The following ABCB11 variants were observed in gnomAD, a reference collection of about 807,000 sequenced individuals.
The protein encoded by ABCB11 is bile salt export pump.
Under a neutral mutation model 148.0 loss-of-function variants are expected in ABCB11, and 95 were observed. That is an observed-to-expected ratio of 0.64 (90% CI 0.54 to 0.76). The LOEUF is 0.76. Among genes scored for constraint, ABCB11 ranks in the 30% least tolerant of loss-of-function variants. The pLI, the probability that ABCB11 is intolerant of heterozygous loss-of-function variation, is 0.00. For synonymous variants in ABCB11, 591 were observed against 555.4 expected, an observed-to-expected ratio of 1.06 and a Z score of -0.90; for missense variants, 1,523 against 1,617.8, an observed-to-expected ratio of 0.94 and a Z score of 1.01.
At chr2:168,929,868 A>G (rs1011277542) in intron 25 of ABCB11, among the ~76,000 whole-genome samples, 5 of 152,204 alleles carry the variant, frequency 3.3e-5, no homozygotes, top group African/African-American at 9.7e-5. Flanking sequence ...AGAATAAATC[A>G]CAGAGAGTCT....
chr2:168,923,903 A>G (rs986051603), intron 27 of ABCB11, 81 bp from the exon 28 acceptor site: 2 of 1,335,134 alleles, frequency 1.5e-6, no homozygotes, highest in Non-Finnish European at 2.1e-6. Flanking sequence ...AGTTAACACG[A>G]CCTGAATAAC....
At chr2:168,930,338 T>C (rs999994075) in intron 25 of ABCB11, among the ~76,000 whole-genome samples, 1 of 152,222 alleles carries the variant, frequency 6.6e-6, no homozygotes, top group Non-Finnish European at 1.5e-5. Context: ...GGTCATTAGT[T>C]TCCTGATTAG....
chr2:168,985,782 G>A (rs956902706), intron 10 of ABCB11, among the ~76,000 whole-genome samples: 4 of 151,956 alleles, frequency 2.6e-5, no homozygotes, highest in African/African-American at 9.7e-5. Flanking sequence ...TGGACTTTGG[G>A]GACTCAGCGG....
chr2:169,004,686 T>C (rs982826329), intron 5 of ABCB11, among the ~76,000 whole-genome samples: 9 of 152,220 alleles, frequency 5.9e-5, no homozygotes, highest in Non-Finnish European at 1.2e-4. Context: ...AGAGATTTCA[T>C]CTTGGTTTAG....
intron 1 of ABCB11, among the ~76,000 whole-genome samples, chr2:169,026,733 C>T (rs997321362): frequency 6.6e-6 from 1 of 152,254 alleles, no homozygotes; most frequent in East Asian, 1.9e-4. Context: ...GAAACCCATA[C>T]ATCAGATGCT....
At chr2:169,019,506 T>C (rs543279867) in intron 1 of ABCB11, among the ~76,000 whole-genome samples, 1 of 152,298 alleles carries the variant, frequency 6.6e-6, no homozygotes, top group South Asian at 2.1e-4. Flanking sequence ...AATCCAGGTA[T>C]ACACAAGTCC....
intron 19 of ABCB11, among the ~76,000 whole-genome samples, chr2:168,955,584 C>T (rs1692752906): frequency 6.6e-6 from 1 of 151,568 alleles, no homozygotes; most frequent in Admixed American, 6.6e-5. Flanking sequence ...GTGGGGATTA[C>T]AGTTTGACAC....
At chr2:168,918,322 A>C (rs953650860), downstream of ABCB11, among the ~76,000 whole-genome samples, 17 of 152,352 alleles carry the variant, frequency 1.1e-4, no homozygotes, top group Non-Finnish European at 2.2e-4. Flanking sequence ...GACCATCAAT[A>C]GACATTTTAG....
chr2:168,965,070 G>C (rs1475645645), intron 17 of ABCB11, among the ~76,000 whole-genome samples: 1 of 151,808 alleles, frequency 6.6e-6, no homozygotes, highest in Non-Finnish European at 1.5e-5. Flanking sequence ...TGAATAAAGA[G>C]TATGGAAAGT....
At chr2:168,954,607 G>C (rs563890570) in intron 19 of ABCB11, among the ~76,000 whole-genome samples, 5 of 151,442 alleles carry the variant, frequency 3.3e-5, no homozygotes, top group Non-Finnish European at 7.4e-5. Context: ...GTCTGATGGG[G>C]TTTCCTTTAT....
chr2:168,918,617 T>C (rs1690990484), downstream of ABCB11, among the ~76,000 whole-genome samples: 2 of 152,214 alleles, frequency 1.3e-5, no homozygotes. Flanking sequence ...TAAGTCAACA[T>C]CATTATTTTG....
At chr2:168,943,097 T>A (rs1035432728) in intron 21 of ABCB11, among the ~76,000 whole-genome samples, 1 of 151,912 alleles carries the variant, frequency 6.6e-6, no homozygotes, top group Non-Finnish European at 1.5e-5. Context: ...TAAGTGTTTT[T>A]AAGATAATTA....
At chr2:168,958,727 C>A (rs1010434032) in intron 18 of ABCB11, among the ~76,000 whole-genome samples, 3 of 151,630 alleles carry the variant, frequency 2.0e-5, no homozygotes, top group African/African-American at 7.3e-5. Flanking sequence ...ACAGAGTGGA[C>A]ATTAATCAGC....
At chr2:168,987,086 A>AT (rs1694351363) in intron 9 of ABCB11, among the ~76,000 whole-genome samples, 1 of 152,128 alleles carries the variant, frequency 6.6e-6, no homozygotes, top group South Asian at 2.1e-4. Context: ...TGCTACTGAA[A>AT]TTTTTTACAA....
At chr2:168,942,493 TAAAAC>T (rs1271435135) in intron 21 of ABCB11, among the ~76,000 whole-genome samples, 2 of 72,002 alleles carry the variant, frequency 2.8e-5, no homozygotes, top group African/African-American at 1.0e-4. Context: ...TTATAAGAAT[TAAAAC>T]AAAGGGTGCA....
chr2:168,932,610 A>G, intron 23 of ABCB11, 77 bp from the exon 24 acceptor site: 1 of 1,540,664 alleles, frequency 6.5e-7, no homozygotes. Context: ...AAGTTTGGGG[A>G]TCTAGCCCTG....
At chr2:169,015,427 C>G (rs1695324009) in intron 3 of ABCB11, among the ~76,000 whole-genome samples, 1 of 152,150 alleles carries the variant, frequency 6.6e-6, no homozygotes. Context: ...GCCCTTGGCT[C>G]TCTGACCTCA....
At chr2:168,981,918 G>C (rs188288265) in intron 10 of ABCB11, among the ~76,000 whole-genome samples, 1 of 152,278 alleles carries the variant, frequency 6.6e-6, no homozygotes, top group Non-Finnish European at 1.5e-5. Context: ...GTCGACCATA[G>C]TTTGCTGACT....
chr2:168,970,287 T>A, intron 14 of ABCB11, 72 bp from the exon 15 acceptor site: 1 of 1,557,586 alleles, frequency 6.4e-7, no homozygotes, highest in Non-Finnish European at 8.7e-7. Context: ...CACTATAATG[T>A]CCTTTCTGTC....
Sources: gnomAD v4.1 joint callset for allele counts (sites outside exome capture counted in the v4.1 genomes callset) on GRCh38, gnomAD v4.1.1 for gene constraint, MANE v1.5 for transcripts, NCBI Gene and HGNC (gene_info 2026-07-23, HGNC 2026-07-21) for gene names.